The following ARFGEF3 variants were observed in gnomAD, a reference collection of about 807,000 sequenced individuals.
ARFGEF3 encodes ARFGEF family member 3.
A neutral mutation model predicts 221.7 loss-of-function variants in ARFGEF3; 96 were observed. That is an observed-to-expected ratio of 0.43 (90% CI 0.37 to 0.51). The LOEUF is 0.51. ARFGEF3 is among the 20% of genes least tolerant of loss of function. The probability of loss-of-function intolerance (pLI) is 0.00; values close to 1 mark genes in which losing one functional copy is unlikely to be tolerated. For synonymous variants in ARFGEF3, 1,145 were observed against 1,126.8 expected, an observed-to-expected ratio of 1.02 and a Z score of -0.32; for missense variants, 2,410 against 2,789.9, an observed-to-expected ratio of 0.86 and a Z score of 3.07.
intron 6 of ARFGEF3, among the ~76,000 whole-genome samples, chr6:138,239,288 A>G (rs1359497864): frequency 5.3e-5 from 8 of 152,210 alleles, no homozygotes; most frequent in Admixed American, 5.2e-4. Context: ...CATAATTTAG[A>G]TTAAAATCCT....
At chr6:138,222,970 C>A (rs7752192) in intron 4 of ARFGEF3, among the ~76,000 whole-genome samples, 1 of 152,080 alleles carries the variant, frequency 6.6e-6, no homozygotes, top group African/African-American at 2.4e-5. Flanking sequence ...TCCTTGTTTA[C>A]TCTGTGACTC....
intron 2 of ARFGEF3, among the ~76,000 whole-genome samples, chr6:138,187,511 G>C (rs934839354): frequency 6.6e-6 from 1 of 152,224 alleles, no homozygotes; most frequent in African/African-American, 2.4e-5. Context: ...AGCAAGGAAG[G>C]CTCCGGCTCT....
chr6:138,302,589 C>T lies in ARFGEF3; in HGVS notation c.3828+3804C>T, dbSNP rs1049752958. Among the ~76,000 whole-genome samples, 5 of 152,106 alleles carry T rather than the reference C, an allele frequency of 3.3e-5. No individual in the cohort carries two copies. In the South Asian group the frequency reaches 8.3e-4, roughly 25 times the overall value. On this transcript the variant is annotated intron_variant, in intron 22 of 33. Transcript: ENST00000251691. ...AACACAAAGATATCTACAATAGACA[C>T]GTTATAGTCAAAATGCTCGATGACA...
At chr6:138,190,346 AAGCAGAAGTGTGG>A (rs1412728268) in intron 2 of ARFGEF3, among the ~76,000 whole-genome samples, 2 of 152,010 alleles carry the variant, frequency 1.3e-5, no homozygotes, top group African/African-American at 2.4e-5. Context: ...CTAACAGGGC[AAGCAGAAGTGTGG>A]AGCAGGGTGG....
intron 13 of ARFGEF3, among the ~76,000 whole-genome samples, chr6:138,279,755 T>G (rs1779162673): frequency 6.6e-6 from 1 of 152,134 alleles, no homozygotes; most frequent in African/African-American, 2.4e-5. Context: ...AGAGTAAGAA[T>G]GTAAAGTGCA....
At chr6:138,238,762 C>T in intron 6 of ARFGEF3, 131 bp downstream of exon 6, 1 of 801,790 alleles carries the variant, frequency 1.2e-6, no homozygotes, top group Non-Finnish European at 2.0e-6. Context: ...TTTAACAGAA[C>T]ATTTATTTGT....
At chr6:138,201,469 C>A (rs1777534774) in intron 2 of ARFGEF3, among the ~76,000 whole-genome samples, 1 of 152,094 alleles carries the variant, frequency 6.6e-6, no homozygotes, top group African/African-American at 2.4e-5. Flanking sequence ...TATATACATA[C>A]AATGGAATAC....
rs368604372 is a variant in ARFGEF3, at chr6:138,162,180, C to T, written c.85+9C>T. On this transcript the variant is annotated intron_variant, in intron 1 of 33. Coordinates refer to ENST00000251691, the MANE Select transcript of ARFGEF3 (RefSeq NM_020340.5). This position sits in a 1 kb window ranked among gnomAD's most constrained non-coding sequence, Gnocchi z 4.7. The stretch of plus-strand genomic sequence containing the variant: ...CTGCACCTGGGCCCTGGGTAAGCGT[C>T]CGGCACCTGCTCGCCGCGGCGGGAG... 1.3e-6 allele frequency: 2 copies of T among 1,592,386 alleles called. No individual in the cohort carries two copies. Among genetic ancestry groups the T allele is most frequent in the Non-Finnish European group, 1.7e-6 (2 of 1,168,184 alleles).
chr6:138,321,151 C>A lies in ARFGEF3; in HGVS notation c.4692C>A (p.Asp1564Glu). Reference sequence around the variant, plus strand: ...GCATGATCAATACCATGCTGAAGGACCTCTTTGAGTTGCTGGTCGCCTGTG... The same window carrying A: ...GCATGATCAATACCATGCTGAAGGAACTCTTTGAGTTGCTGGTCGCCTGTG... ...YESMINTMLK[D>E]LFELLVACVA... Residue 1564 changes from aspartate to glutamate, a missense_variant, in exon 29 of 34, where the codon GAC (aspartate) becomes GAA (glutamate). Physicochemically the swap from Asp to Glu is conservative, Grantham distance 45 (BLOSUM62 2). This residue lies in a region of ARFGEF3 where 723 missense variants were observed against 991.9 expected (regional missense o/e 0.73). Coordinates refer to ENST00000251691, the MANE Select transcript of ARFGEF3 (RefSeq NM_020340.5). 1 of 1,564,820 alleles carries A rather than the reference C, an allele frequency of 6.4e-7. No individual in the cohort carries two copies. The highest frequency in any genetic ancestry group is 8.7e-7 in the Non-Finnish European group (1 of 1,153,210).
In ARFGEF3 at chr6:138,253,976, C is replaced by T; in HGVS notation, c.762C>T (p.Asp254=). The T allele has an allele frequency of 6.3e-7, 1 of 1,582,710 alleles. No individual in the cohort carries two copies. Among genetic ancestry groups the T allele is most frequent in the South Asian group, 1.2e-5 (1 of 86,052 alleles). ...SSMHLHRRFT[D]LIWKNLCPAL... is the part of the protein sequence containing the mutation. ...TGCACCTGCACAGGCGCTTCACGGA[C>T]CTGATCTGGTGAGCACCCACTCCTG... Residue 254 remains aspartate, a synonymous_variant, in exon 9 of 34, where the codon GAC becomes GAT. Transcript: ENST00000251691.
At chr6:138,246,260 C>T (rs1778485952) in intron 8 of ARFGEF3, among the ~76,000 whole-genome samples, 1 of 151,852 alleles carries the variant, frequency 6.6e-6, no homozygotes, top group Non-Finnish European at 1.5e-5. Flanking sequence ...CCACCAGCTA[C>T]ATATGCCATG....
Position 138,291,994 on chromosome 6 carries a change from C to A in ARFGEF3, c.3309C>A (p.Ser1103Arg). 1 of 1,537,176 alleles carries A rather than the reference C, an allele frequency of 6.5e-7. No individual in the cohort carries two copies. Among genetic ancestry groups the A allele is most frequent in the South Asian group, 1.2e-5 (1 of 82,966 alleles). The change falls in exon 19 of 34, where the codon AGC (serine) becomes AGA (arginine). Residue 1103 changes from serine (S) to arginine (R), a missense_variant. Transcript: ENST00000251691. The surrounding 1 kb of genome is among the most constrained non-coding windows in gnomAD (Gnocchi z 4.5). ...RGRASDFRGGSLMSGSSAAKV... is the reference protein window; with the variant it reads ...RGRASDFRGGRLMSGSSAAKV... ...GGGCCTCCGACTTCCGCGGCGGGAG[C>A]CTCATGAGCGGGAGCAGCGCGGCCA... is the stretch of plus-strand genomic sequence containing the variant.
At chr6:138,317,463 G>A (rs1376863969) in intron 27 of ARFGEF3, 84 bp downstream of exon 27, 5 of 1,514,054 alleles carry the variant, frequency 3.3e-6, no homozygotes, top group Non-Finnish European at 3.6e-6. Context: ...GTGTCTGCCT[G>A]TTTTCACTGT....
In ARFGEF3 at chr6:138,258,667, T is replaced by C. The variant is rs558165116; in HGVS notation, c.1105-2860T>C. On this transcript the variant is annotated intron_variant, in intron 10 of 33. Transcript: ENST00000251691. ...TTGACTCCTCAACTATACTTTTGTATATAGATTGCTTCTGTATGTTTTCCC... is the reference window on the plus strand; with the variant it reads ...TTGACTCCTCAACTATACTTTTGTACATAGATTGCTTCTGTATGTTTTCCC... 7.9e-5 allele frequency among the ~76,000 whole-genome samples: 12 copies of C among 152,370 alleles called. No individual in the cohort carries two copies. The South Asian group carries it at 2.1e-3, about 26-fold the overall frequency.
At chr6:138,199,583 A>C (rs1250140538) in intron 2 of ARFGEF3, among the ~76,000 whole-genome samples, 1 of 152,108 alleles carries the variant, frequency 6.6e-6, no homozygotes, top group African/African-American at 2.4e-5. Context: ...CCTTGTAGAG[A>C]TCTTTCAACT....
intron 12 of ARFGEF3, among the ~76,000 whole-genome samples, chr6:138,269,413 A>G (rs141984651): frequency 6.6e-6 from 1 of 152,386 alleles, no homozygotes; most frequent in African/African-American, 2.4e-5. Context: ...CTATCTTTAT[A>G]TAATACAGAA....
chr6:138,334,786 G>A lies in ARFGEF3; in HGVS notation c.5940G>A (p.Lys1980=), dbSNP rs1780290558. Reference sequence around the variant, plus strand: ...ACATGGGCGAGTCCCTGAGCCTGAAGGCCGGTGGTGGGGACCTGCTGCTGC... The same window carrying A: ...ACATGGGCGAGTCCCTGAGCCTGAAAGCCGGTGGTGGGGACCTGCTGCTGC... ...REHMGESLSL[K]AGGGDLLLPP... Residue 1980 remains lysine, a synonymous_variant, in exon 33 of 34, where the codon AAG becomes AAA. Transcript: ENST00000251691. This position sits in a 1 kb window ranked among gnomAD's most constrained non-coding sequence, Gnocchi z 5.1. 1.2e-6 allele frequency: 2 copies of A among 1,607,424 alleles called. No homozygotes were observed. The highest frequency in any genetic ancestry group is 8.5e-7 in the Non-Finnish European group (1 of 1,177,030).
chr6:138,307,369 G>A lies in ARFGEF3; in HGVS notation c.3945G>A (p.Lys1315=), dbSNP rs2114660301. Residue 1315 remains lysine, a synonymous_variant, in exon 23 of 34, where the codon AAG becomes AAA. Coordinates refer to ENST00000251691, the MANE Select transcript of ARFGEF3 (RefSeq NM_020340.5). ...TVHGGNKSEM[K]EYLVGDYSMG... ...ATGGCGGGAACAAGTCAGAGATGAA[G>A]GAGTACCTGGTTGGTGACTACTCCA... 2 of 1,613,886 alleles carry A rather than the reference G, an allele frequency of 1.2e-6. No homozygotes were observed. The highest frequency in any genetic ancestry group is 8.5e-7 in the Non-Finnish European group (1 of 1,179,832).
chr6:138,168,052 TCTTA>T (rs1159172805), intron 1 of ARFGEF3, among the ~76,000 whole-genome samples: 4 of 152,192 alleles, frequency 2.6e-5, no homozygotes, highest in Admixed American at 6.5e-5. Context: ...CTGTGCTCCC[TCTTA>T]CTTCATTAAT....
Sources: gnomAD v4.1 joint callset for allele counts (sites outside exome capture counted in the v4.1 genomes callset) on GRCh38, gnomAD v4.1.1 for gene constraint, gnomAD v4.1.1 regional missense constraint, Gnocchi (gnomAD v3.1) non-coding constraint, MANE v1.5 for transcripts, NCBI Gene and HGNC (gene_info 2026-07-23, HGNC 2026-07-21) for gene names.